MBOAT2: variants seen among roughly 807,000 people sequenced by gnomAD.
The protein encoded by MBOAT2 is membrane bound glycerophospholipid O-acyltransferase 2.
MBOAT2 carries 28 observed loss-of-function variants against 63.4 expected under a neutral mutation model. The observed-to-expected ratio is 0.44, with a 90% CI of 0.33 to 0.61. MBOAT2 has a LOEUF of 0.61. Ranked by LOEUF, MBOAT2 falls within the 20% of genes least tolerant of loss-of-function variation. MBOAT2 has a pLI of 0.03. For missense variants in MBOAT2, 470 were observed against 605.8 expected, an observed-to-expected ratio of 0.78 and a Z score of 2.35; for synonymous variants, 211 against 215.6, an observed-to-expected ratio of 0.98 and a Z score of 0.19.
intron 3 of MBOAT2, among the ~76,000 whole-genome samples, chr2:8,914,307 A>C (rs1665992405): frequency 6.6e-6 from 1 of 152,208 alleles, no homozygotes; most frequent in Non-Finnish European, 1.5e-5. Flanking sequence ...AAACAAAAAA[A>C]CAAAAACAAT....
At position 8,857,991 on chromosome 2, in the gene MBOAT2, T is replaced by C. The variant is rs939031266; in HGVS notation, c.*688A>G. ...TCATTATGTTTTAAGAGATTCCTTC[T>C]GGAAGCGCTCTTTGACTGCACAAGG... On this transcript the variant is annotated 3_prime_UTR_variant, in exon 13 of 13. Transcript: ENST00000305997. The C allele has an allele frequency of 6.5e-6, 1 of 152,672 alleles. No individual in the cohort carries two copies. The highest frequency in any genetic ancestry group is 1.5e-5 in the Non-Finnish European group (1 of 68,046). 9.5% of individuals were successfully genotyped at this position (152,672 alleles called of 1,614,324 possible). A position where few individuals can be genotyped will look rare whatever the true frequency, so the allele number is the denominator to read the frequency against.
intron 8 of MBOAT2, among the ~76,000 whole-genome samples, chr2:8,872,325 T>A (rs1459306872): frequency 6.6e-6 from 1 of 152,242 alleles, no homozygotes; most frequent in African/African-American, 2.4e-5. Context: ...TCGCTCAGGC[T>A]GCAGTGCAGG....
intron 1 of MBOAT2, among the ~76,000 whole-genome samples, chr2:8,967,842 A>G (rs1039450105): frequency 3.9e-5 from 6 of 152,224 alleles, no homozygotes; most frequent in Admixed American, 1.3e-4. Context: ...ACTTCATCAC[A>G]TAAATATAAA....
At chr2:8,934,158 T>G (rs980968626) in intron 3 of MBOAT2, among the ~76,000 whole-genome samples, 2 of 152,176 alleles carry the variant, frequency 1.3e-5, no homozygotes, top group African/African-American at 4.8e-5. Flanking sequence ...TTTAAAAACC[T>G]TACATCCTAA....
chr2:8,946,048 G>T (rs1031855421), intron 2 of MBOAT2, among the ~76,000 whole-genome samples: 2 of 152,118 alleles, frequency 1.3e-5, no homozygotes, highest in Non-Finnish European at 2.9e-5. Context: ...AAAGAGATTA[G>T]ATAAACACAA....
At chr2:8,963,632 A>T (rs578046798) in intron 1 of MBOAT2, among the ~76,000 whole-genome samples, 2 of 152,344 alleles carry the variant, frequency 1.3e-5, no homozygotes, top group Non-Finnish European at 2.9e-5. Context: ...TAGATTTTTT[A>T]AAATGTGGTG....
chr2:8,894,926 C>T (rs1162536570), intron 4 of MBOAT2, among the ~76,000 whole-genome samples: 1 of 151,728 alleles, frequency 6.6e-6, no homozygotes, highest in Non-Finnish European at 1.5e-5. Context: ...AGGAGTGAAG[C>T]TGCAGACCTT....
At position 8,944,878 on chromosome 2, in the gene MBOAT2, G is replaced by A. The variant is rs543774847; in HGVS notation, c.222-1614C>T. Among the ~76,000 whole-genome samples the A allele has an allele frequency of 3.3e-5, 5 of 152,252 alleles. No homozygotes were observed. In the East Asian group the frequency reaches 9.6e-4, roughly 29 times the overall value. ...GCTGACTCCTGACTTCGTGCGAAAG[G>A]TGACAAGGTCTGCTAGAACACCCTT... On this transcript the variant is annotated intron_variant, in intron 2 of 12. Coordinates refer to ENST00000305997, the MANE Select transcript of MBOAT2 (RefSeq NM_138799.4).
intron 4 of MBOAT2, among the ~76,000 whole-genome samples, chr2:8,907,698 TTTTA>T (rs1221674890): frequency 1.3e-5 from 2 of 152,200 alleles, no homozygotes; most frequent in Non-Finnish European, 2.9e-5. Flanking sequence ...TGGCCTTGGG[TTTTA>T]TTTGTTTTTG....
chr2:8,967,481 G>A (rs1032690684), intron 1 of MBOAT2, among the ~76,000 whole-genome samples: 1 of 152,300 alleles, frequency 6.6e-6, no homozygotes, highest in African/African-American at 2.4e-5. Context: ...TGGATGGGAA[G>A]ACTCGGAATC....
At position 8,853,354 on chromosome 2, in the gene MBOAT2, C is replaced by G. The variant is rs1050935605; in HGVS notation, c.*5325G>C. 1 of 152,078 alleles carries G rather than the reference C, an allele frequency of 6.6e-6. No individual in the cohort carries two copies. Among genetic ancestry groups the G allele is most frequent in the Non-Finnish European group, 1.5e-5 (1 of 68,022 alleles). The allele number at this position is 152,078 out of a possible 1,614,324, so 9.4% of individuals were successfully genotyped here. On this transcript the variant is annotated 3_prime_UTR_variant, in exon 13 of 13. Coordinates refer to ENST00000305997, the MANE Select transcript of MBOAT2 (RefSeq NM_138799.4). ...TGTACTTCATTGATAAATCTGTGTG[C>G]GCAGAACCAAAAATACATAAAATTG...
rs772117114 is a variant in MBOAT2 at position 8,858,835 on chromosome 2, T to C, written c.1407A>G (p.Gln469=). The C allele has an allele frequency of 1.7e-5, 27 of 1,613,826 alleles. No individual in the cohort carries two copies. Among genetic ancestry groups the C allele is most frequent in the Admixed American group, 8.3e-5 (5 of 60,006 alleles). Residue 469 remains glutamine, a synonymous_variant, in exon 13 of 13, where the codon CAA becomes CAG. Transcript: ENST00000305997. ...VLLLLPVKKT[Q]RRKNTHENIQ... is the part of the protein sequence containing the mutation. Reference sequence around the variant, plus strand: ...TGTTTTCATGTGTATTCTTTCTTCTTTGAGTTTTTTTCACTGGCAACAACA... The same window carrying C: ...TGTTTTCATGTGTATTCTTTCTTCTCTGAGTTTTTTTCACTGGCAACAACA...
At chr2:8,982,660 G>C (rs1671280700) in intron 1 of MBOAT2, among the ~76,000 whole-genome samples, 1 of 152,132 alleles carries the variant, frequency 6.6e-6, no homozygotes. Context: ...TCAGATGTAA[G>C]ATCTCCCCAA....
At chr2:8,907,499 C>T (rs893768962) in intron 4 of MBOAT2, among the ~76,000 whole-genome samples, 8 of 152,174 alleles carry the variant, frequency 5.3e-5, no homozygotes, top group Non-Finnish European at 5.9e-5. Context: ...CTCAAGATCA[C>T]GAAGGTTTTC....
intron 2 of MBOAT2, among the ~76,000 whole-genome samples, chr2:8,955,276 C>T (rs1002903051): frequency 6.6e-5 from 10 of 152,202 alleles, no homozygotes; most frequent in Admixed American, 2.0e-4. Context: ...GATGTCTGTC[C>T]TTCACAGCGT....
intron 3 of MBOAT2, among the ~76,000 whole-genome samples, chr2:8,919,331 C>T (rs1462209133): frequency 1.3e-5 from 2 of 152,198 alleles, no homozygotes; most frequent in Non-Finnish European, 2.9e-5. Context: ...TTTTTATGTT[C>T]CTGTAAGCAA....
intron 3 of MBOAT2, among the ~76,000 whole-genome samples, chr2:8,941,770 G>C (rs910137332): frequency 6.6e-6 from 1 of 152,106 alleles, no homozygotes; most frequent in African/African-American, 2.4e-5. Context: ...CAGCAGTACA[G>C]GTCTAAAGTA....
chr2:8,883,798 G>A (rs901689246), intron 5 of MBOAT2, among the ~76,000 whole-genome samples: 1 of 151,974 alleles, frequency 6.6e-6, no homozygotes, highest in Non-Finnish European at 1.5e-5. Context: ...AACTTTATAC[G>A]TAATAGCAGA....
chr2:8,868,964 C>T (rs906864844), intron 8 of MBOAT2, among the ~76,000 whole-genome samples: 33 of 152,276 alleles, frequency 2.2e-4, no homozygotes, highest in African/African-American at 7.9e-4. Flanking sequence ...GTCCTATAAA[C>T]AATAATATAT....
Sources: allele counts gnomAD v4.1 joint callset (sites outside exome capture counted in the v4.1 genomes callset), GRCh38; gene constraint gnomAD v4.1.1; transcripts MANE v1.5; gene names NCBI Gene and HGNC (gene_info 2026-07-23, HGNC 2026-07-21).